Variants in DCC observed in about 807,000 individuals in gnomAD.
DCC encodes the protein netrin receptor DCC.
DCC carries 58 observed loss-of-function variants against 172.5 expected under a neutral mutation model. The observed-to-expected ratio is 0.34, with a 90% confidence interval of 0.27 to 0.42. The LOEUF (loss-of-function observed/expected upper bound fraction) is 0.42. Ranked by LOEUF, DCC falls within the 10% of genes least tolerant of loss-of-function variation. The probability of loss-of-function intolerance (pLI) is 1.00; values close to 1 mark genes in which losing one functional copy is unlikely to be tolerated. For missense variants in DCC, 1,740 were observed against 1,791.0 expected, an observed-to-expected ratio of 0.97 and a Z score of 0.51; for synonymous variants, 709 against 644.5, an observed-to-expected ratio of 1.10 and a Z score of -1.52.
At chr18:52,756,391 T>C (rs1427827744) in intron 2 of DCC, among the ~76,000 whole-genome samples, 1 of 152,178 alleles carries the variant, frequency 6.6e-6, no homozygotes, top group African/African-American at 2.4e-5. Context: ...CTTTCCGCTG[T>C]TGCCATCCTC....
intron 21 of DCC, among the ~76,000 whole-genome samples, chr18:53,419,407 C>A (rs1034600687): frequency 1.6e-4 from 25 of 152,034 alleles, no homozygotes; most frequent in African/African-American, 5.3e-4. Context: ...TATTTTTATA[C>A]CCATTAATCA....
intron 2 of DCC, among the ~76,000 whole-genome samples, chr18:52,782,513 A>C (rs1043065454): frequency 2.0e-5 from 3 of 151,532 alleles, no homozygotes; most frequent in African/African-American, 7.3e-5. Context: ...TAGTGTCCCA[A>C]ATTTATTCCT....
chr18:53,334,463 A>G (rs1405072878), intron 14 of DCC, among the ~76,000 whole-genome samples: 1 of 152,212 alleles, frequency 6.6e-6, no homozygotes, highest in Non-Finnish European at 1.5e-5. Flanking sequence ...ATCTTTAAGT[A>G]TACAGTTCAG....
At chr18:52,503,689 A>G (rs1200305934) in intron 1 of DCC, among the ~76,000 whole-genome samples, 1 of 152,084 alleles carries the variant, frequency 6.6e-6, no homozygotes, top group Non-Finnish European at 1.5e-5. Flanking sequence ...TGCTCATCTG[A>G]ATCTTAACTA....
At chr18:53,526,933 A>T in intron 28 of DCC, 174 bp downstream of exon 28, 1 of 667,720 alleles carries the variant, frequency 1.5e-6, no homozygotes, top group Non-Finnish European at 2.6e-6. Flanking sequence ...GAGGAAATAA[A>T]AGCTATGAAA....
At chr18:53,342,484 T>C (rs1400979411) in intron 15 of DCC, among the ~76,000 whole-genome samples, 4 of 151,732 alleles carry the variant, frequency 2.6e-5, no homozygotes, top group East Asian at 1.9e-4. Flanking sequence ...TTATCTATCT[T>C]TATATCTTTA....
At chr18:52,520,763 A>C (rs1164940096) in intron 1 of DCC, among the ~76,000 whole-genome samples, 1 of 152,082 alleles carries the variant, frequency 6.6e-6, no homozygotes, top group Non-Finnish European at 1.5e-5. Context: ...TAATAGTGTT[A>C]AGGGCCAGAG....
At chr18:52,743,657 T>G (rs2036860365) in intron 1 of DCC, among the ~76,000 whole-genome samples, 1 of 152,216 alleles carries the variant, frequency 6.6e-6, no homozygotes, top group Non-Finnish European at 1.5e-5. Flanking sequence ...TCTTGCCCTT[T>G]AAAAACCTCA....
chr18:53,353,559 A>G (rs2057838109), intron 15 of DCC, among the ~76,000 whole-genome samples: 1 of 151,950 alleles, frequency 6.6e-6, no homozygotes, highest in South Asian at 2.1e-4. Flanking sequence ...GACTTCTTTA[A>G]TGTTAAATAT....
chr18:53,220,974 G>T (rs1465964099), intron 12 of DCC, among the ~76,000 whole-genome samples: 1 of 151,972 alleles, frequency 6.6e-6, no homozygotes, highest in Non-Finnish European at 1.5e-5. Flanking sequence ...GGATATAAAT[G>T]ATTATATTAC....
At chr18:53,147,448 C>T (rs371368601) in intron 7 of DCC, among the ~76,000 whole-genome samples, 1 of 152,192 alleles carries the variant, frequency 6.6e-6, no homozygotes, top group African/African-American at 2.4e-5. Context: ...TAATACTCTA[C>T]GTCTATGAAC....
chr18:52,823,044 G>C (rs1161467809), intron 2 of DCC, among the ~76,000 whole-genome samples: 1 of 152,150 alleles, frequency 6.6e-6, no homozygotes, highest in Non-Finnish European at 1.5e-5. Context: ...AATCTTAACT[G>C]GTTTTGTGAA....
intron 1 of DCC, among the ~76,000 whole-genome samples, chr18:52,648,961 A>G (rs186598292): frequency 1.3e-5 from 2 of 152,302 alleles, no homozygotes; most frequent in Non-Finnish European, 2.9e-5. Flanking sequence ...TAAGGGTTTC[A>G]TATGCAATCC....
At chr18:52,748,721 A>G (rs1568079629) in intron 1 of DCC, among the ~76,000 whole-genome samples, 2 of 152,194 alleles carry the variant, frequency 1.3e-5, no homozygotes, top group Non-Finnish European at 2.9e-5. Context: ...GGTTGCTTGG[A>G]TAACTGGAGA....
intron 1 of DCC, among the ~76,000 whole-genome samples, chr18:52,671,509 A>G (rs966515922): frequency 1.4e-5 from 2 of 143,026 alleles, no homozygotes; most frequent in South Asian, 2.2e-4. Context: ...TCACAATAGC[A>G]TTGCTCAGTA....
In DCC at chr18:53,063,417, G is replaced by C. The variant is rs201063856; in HGVS notation, c.1098G>C (p.Lys366Asn). 4 of 1,612,090 alleles carry C rather than the reference G, an allele frequency of 2.5e-6. No individual in the cohort carries two copies. In the East Asian group the frequency reaches 8.9e-5, roughly 36 times the overall value. ...CTGTGCCCACTGTGAATTGGATGAAGAATGGAGATGTGGTCATTCCTAGTG... is the reference window on the plus strand; with the variant it reads ...CTGTGCCCACTGTGAATTGGATGAACAATGGAGATGTGGTCATTCCTAGTG... ...GKPVPTVNWM[K>N]NGDVVIPSDY... is the part of the protein sequence containing the mutation. The change falls in exon 6 of 29, where the codon AAG becomes AAC. Residue 366 changes from lysine to asparagine, a missense_variant. By Grantham distance (94) the Lys-to-Asn change is moderately conservative. This residue lies in a region of DCC where 1,732 missense variants were observed against 1,767.4 expected (regional missense o/e 0.98). Coordinates refer to ENST00000442544, the MANE Select transcript of DCC (RefSeq NM_005215.4).
At chr18:52,822,015 T>C (rs1330061797) in intron 2 of DCC, among the ~76,000 whole-genome samples, 5 of 152,320 alleles carry the variant, frequency 3.3e-5, no homozygotes, top group African/African-American at 7.2e-5. Context: ...AGCCTAAAAT[T>C]AATTTGGTAA....
intron 1 of DCC, among the ~76,000 whole-genome samples, chr18:52,578,428 G>T (rs763673057): frequency 9.9e-5 from 15 of 152,116 alleles, no homozygotes; most frequent in Admixed American, 1.3e-4. Context: ...ACATTTTATG[G>T]ATTTAAGTTT....
chr18:53,413,604 T>G (rs933533078), intron 20 of DCC, among the ~76,000 whole-genome samples: 2 of 152,218 alleles, frequency 1.3e-5, no homozygotes, highest in African/African-American at 4.8e-5. Context: ...AATGGGTTTG[T>G]CTATCATTAC....
Sources: gnomAD v4.1 joint callset for allele counts (sites outside exome capture counted in the v4.1 genomes callset) on GRCh38, gnomAD v4.1.1 for gene constraint, gnomAD v4.1.1 regional missense constraint, MANE v1.5 for transcripts, NCBI Gene and HGNC (gene_info 2026-07-23, HGNC 2026-07-21) for gene names.